The following MAPK8IP3 variants were observed in gnomAD, a reference collection of about 807,000 sequenced individuals.
The protein encoded by MAPK8IP3 is C-Jun-amino-terminal kinase-interacting protein 3.
A neutral mutation model predicts 157.8 loss-of-function variants in MAPK8IP3; 49 were observed. The observed-to-expected ratio is 0.31, with a 90% CI of 0.25 to 0.39. The LOEUF is 0.39. Ranked by LOEUF, MAPK8IP3 falls within the 10% of genes least tolerant of loss-of-function variation. MAPK8IP3 has a pLI of 1.00. For missense variants in MAPK8IP3, 1,478 were observed against 1,889.4 expected (o/e 0.78, Z 4.04); for synonymous variants, 897 against 777.7 (o/e 1.15, Z -2.55).
intron 22 of MAPK8IP3, 59 bp from the exon 23 acceptor site, chr16:1,766,470 G>C: frequency 6.2e-7 from 1 of 1,602,438 alleles, no homozygotes; most frequent in African/African-American, 1.3e-5. Flanking sequence ...AAGGGCCTCG[G>C]GGTCTTGGGG....
Position 1,768,356 on chromosome 16 carries a change from G to C in MAPK8IP3, c.3720G>C (p.Val1240=), listed in dbSNP as rs374891506. 4 of 1,603,036 alleles carry C rather than the reference G, an allele frequency of 2.5e-6. No individual in the cohort carries two copies. ...GCTTCCATGGGCACCGCGATGCCGT[G>C]AAGTTCTTTGTCTCGGTGCCAGGTG... ...QLCFHGHRDA[V]KFFVSVPGNV... is the part of the protein sequence containing the mutation. The change falls in exon 30 of 32, where the codon GTG becomes GTC. Residue 1240 remains valine (V), a synonymous_variant. Transcript: ENST00000610761.
At chr16:1,755,248 A>G (rs1490250107) in intron 8 of MAPK8IP3, among the ~76,000 whole-genome samples, 1 of 152,250 alleles carries the variant, frequency 6.6e-6, no homozygotes, top group East Asian at 1.9e-4. Flanking sequence ...AAACGGGCAG[A>G]TGAGTCAGTA....
chr16:1,739,630 G>C, intron 4 of MAPK8IP3, among the ~76,000 whole-genome samples: 1 of 137,030 alleles, frequency 7.3e-6, no homozygotes, highest in South Asian at 2.6e-4. Flanking sequence ...GTCCGTGTGA[G>C]CTTCCGTGTG....
chr16:1,745,928 A>T (rs2040933288), intron 5 of MAPK8IP3: 2 of 152,348 alleles, frequency 1.3e-5, no homozygotes, highest in Non-Finnish European at 2.9e-5. Context: ...AGCACTGGCC[A>T]TGACTTCTGG....
intron 4 of MAPK8IP3, among the ~76,000 whole-genome samples, chr16:1,735,945 TGA>T (rs1368472151): frequency 7.2e-4 from 97 of 134,936 alleles, no homozygotes; most frequent in Middle Eastern, 4.6e-3. Flanking sequence ...ACCGTCTGTG[TGA>T]GTGTGACCGC....
At chr16:1,749,252 A>G (rs769199254) in intron 8 of MAPK8IP3, among the ~76,000 whole-genome samples, 4 of 152,172 alleles carry the variant, frequency 2.6e-5, no homozygotes, top group Admixed American at 2.6e-4. Context: ...AGCCACCCCC[A>G]TGATCTCAGT....
In MAPK8IP3 at chr16:1,706,445, A is replaced by G. The variant is rs760668142; in HGVS notation, c.106A>G (p.Ile36Val). The change falls in exon 1 of 32, where the codon ATC (isoleucine) becomes GTC (valine). Residue 36 changes from isoleucine to valine, a missense_variant. Around this residue, in one of 11 missense-constraint regions of MAPK8IP3, gnomAD observed 65 missense variants for 161.8 expected, o/e 0.40. Transcript: ENST00000610761. This position sits in a 1 kb window ranked among gnomAD's most constrained non-coding sequence, Gnocchi z 5.1. ...GCGGGTGTCGGGCCTGGCGGGCTCCATCTACCGCGAGTTCGAGCGCCTCAT... is the reference window on the plus strand; with the variant it reads ...GCGGGTGTCGGGCCTGGCGGGCTCCGTCTACCGCGAGTTCGAGCGCCTCAT... ...SERVSGLAGSIYREFERLIHC... is the reference protein window; with the variant it reads ...SERVSGLAGSVYREFERLIHC... 6.2e-7 allele frequency: 1 copy of G among 1,613,768 alleles called. No individual in the cohort carries two copies. The highest frequency in any genetic ancestry group is 1.3e-5 in the African/African-American group (1 of 74,912).
chr16:1,745,868 C>T (rs568627590), intron 5 of MAPK8IP3: 3 of 152,276 alleles, frequency 2.0e-5, no homozygotes, highest in Non-Finnish European at 2.9e-5. Context: ...TGAGAGGCCC[C>T]GTGCCCTGAG....
Position 1,765,192 on chromosome 16 carries a change from G to A in MAPK8IP3, c.2446+14G>A, listed in dbSNP as rs1206560934. The A allele has an allele frequency of 1.9e-6, 3 of 1,583,154 alleles. No homozygotes were observed. Among genetic ancestry groups the A allele is most frequent in the African/African-American group, 2.7e-5 (2 of 74,344 alleles). On this transcript the variant is annotated intron_variant, in intron 20 of 31. Coordinates refer to ENST00000610761, the MANE Select transcript of MAPK8IP3 (RefSeq NM_001318852.2). ...CCAGCATCCCCGGTGAGCAGCTGGAGTGGGCGTTTCCACTCGGGCGCCACT... is the reference window on the plus strand; with the variant it reads ...CCAGCATCCCCGGTGAGCAGCTGGAATGGGCGTTTCCACTCGGGCGCCACT...
At chr16:1,763,208 A>G (rs2042053921) in intron 16 of MAPK8IP3, among the ~76,000 whole-genome samples, 1 of 152,010 alleles carries the variant, frequency 6.6e-6, no homozygotes, top group South Asian at 2.1e-4. Flanking sequence ...GCTCCACGGT[A>G]TTTGGTTCAG....
In MAPK8IP3 at chr16:1,710,947, C is replaced by T. The variant is rs2142267979; in HGVS notation, c.318+4290C>T. Among the ~76,000 whole-genome samples the T allele has an allele frequency of 6.6e-6, 1 of 152,304 alleles. No homozygotes were observed. Among genetic ancestry groups the T allele is most frequent in the South Asian group, 2.1e-4 (1 of 4,818 alleles). Reference sequence around the variant, plus strand: ...TGTAGGAACCATGGAGAAGGAGGTACCTGCCAGCCAGAGAGAACACGGGAC... The same window carrying T: ...TGTAGGAACCATGGAGAAGGAGGTATCTGCCAGCCAGAGAGAACACGGGAC... On this transcript the variant is annotated intron_variant, in intron 1 of 31. Coordinates refer to ENST00000610761, the MANE Select transcript of MAPK8IP3 (RefSeq NM_001318852.2). The surrounding 1 kb of genome is among the most constrained non-coding windows in gnomAD (Gnocchi z 4.1).
At chr16:1,764,774 G>T (rs1007575793) in intron 19 of MAPK8IP3, among the ~76,000 whole-genome samples, 19 of 152,312 alleles carry the variant, frequency 1.2e-4, no homozygotes, top group African/African-American at 4.1e-4. Context: ...TTAGTTTTAT[G>T]CCCAGCTTGG....
chr16:1,715,506 C>A (rs2038087764), intron 1 of MAPK8IP3, among the ~76,000 whole-genome samples: 1 of 152,188 alleles, frequency 6.6e-6, no homozygotes. Flanking sequence ...CAGGCACGTG[C>A]CCGGCACCTG....
chr16:1,722,816 C>G (rs972581624), intron 1 of MAPK8IP3, among the ~76,000 whole-genome samples: 1 of 151,888 alleles, frequency 6.6e-6, no homozygotes, highest in African/African-American at 2.4e-5. Flanking sequence ...GCCATTCTGC[C>G]TCAGCCTCCC....
Position 1,748,235 on chromosome 16 carries a change from C to G in MAPK8IP3, c.995-9C>G. On this transcript the variant is annotated splice_polypyrimidine_tract_variant and intron_variant, in intron 6 of 31. Transcript: ENST00000610761. ...TCCTGACCCCAGGTGCCCCTGTGCT[C>G]TCCCCTAGGCATGGGCAGCAGTGAC... The G allele has an allele frequency of 6.2e-7, 1 of 1,607,994 alleles. No homozygotes were observed. Among genetic ancestry groups the G allele is most frequent in the Non-Finnish European group, 8.5e-7 (1 of 1,174,694 alleles).
chr16:1,728,887 C>T (rs1350999619), intron 2 of MAPK8IP3, among the ~76,000 whole-genome samples: 1 of 150,002 alleles, frequency 6.7e-6, no homozygotes, highest in Non-Finnish European at 1.5e-5. Context: ...CTTCACAGAG[C>T]TGAGTGTTCT....
At chr16:1,718,278 G>A (rs1488396959) in intron 1 of MAPK8IP3, among the ~76,000 whole-genome samples, 2 of 148,506 alleles carry the variant, frequency 1.3e-5, no homozygotes, top group Non-Finnish European at 3.0e-5. Flanking sequence ...TCTGCCTCCC[G>A]TGTTCAAGAG....
In MAPK8IP3 at chr16:1,747,218, C is replaced by T. The variant is rs780546594; in HGVS notation, c.937C>T (p.Arg313Cys). The T allele has an allele frequency of 1.4e-5, 22 of 1,613,566 alleles. No homozygotes were observed. The highest frequency in any genetic ancestry group is 1.6e-4 in the Middle Eastern group (1 of 6,084). Residue 313 changes from arginine to cysteine, a missense_variant, in exon 6 of 32, where the codon CGC becomes TGC. By Grantham distance (180) the Arg-to-Cys change is radical (BLOSUM62 -3). Around this residue, in one of 11 missense-constraint regions of MAPK8IP3, gnomAD observed 315 missense variants for 394.4 expected, o/e 0.80. Coordinates refer to ENST00000610761, the MANE Select transcript of MAPK8IP3 (RefSeq NM_001318852.2). ...SKNSKRAREKRDSRNMEVQVT... is the reference protein window; with the variant it reads ...SKNSKRAREKCDSRNMEVQVT... ...GAACAGCAAGCGTGCCCGGGAGAAG[C>T]GCGACAGCCGCAACATGGAAGTACA...
At chr16:1,739,460 GCTTC>G (rs1228922655) in intron 4 of MAPK8IP3, among the ~76,000 whole-genome samples, 7 of 134,686 alleles carry the variant, frequency 5.2e-5, no homozygotes, top group Non-Finnish European at 6.3e-5. Context: ...GTCCGTGTGA[GCTTC>G]CGTGTGACCG....
Sources: gnomAD v4.1 joint callset for allele counts (sites outside exome capture counted in the v4.1 genomes callset) on GRCh38, gnomAD v4.1.1 for gene constraint, gnomAD v4.1.1 regional missense constraint, Gnocchi (gnomAD v3.1) non-coding constraint, MANE v1.5 for transcripts, NCBI Gene and HGNC (gene_info 2026-07-23, HGNC 2026-07-21) for gene names.